ADGRL3: variants seen among roughly 807,000 people sequenced by gnomAD.
The protein encoded by ADGRL3 is calcium-independent alpha-latrotoxin receptor 3.
A neutral mutation model predicts 153.5 loss-of-function variants in ADGRL3; 62 were observed. That is an observed-to-expected ratio of 0.40 (90% confidence interval 0.33 to 0.50). The LOEUF (loss-of-function observed/expected upper bound fraction) is 0.50. Among genes scored for constraint, ADGRL3 ranks in the 20% least tolerant of loss-of-function variants. The pLI, the probability that ADGRL3 is intolerant of heterozygous loss-of-function variation, is 0.47. For synonymous variants in ADGRL3, 710 were observed against 672.5 expected, an observed-to-expected ratio of 1.06 and a Z score of -0.86; for missense variants, 1,641 against 1,859.4, an observed-to-expected ratio of 0.88 and a Z score of 2.16.
At chr4:61,626,024 A>T (rs1449688645) in intron 5 of ADGRL3, among the ~76,000 whole-genome samples, 1 of 152,046 alleles carries the variant, frequency 6.6e-6, no homozygotes, top group African/African-American at 2.4e-5. Flanking sequence ...ATACTTTCTT[A>T]ACACTCTACA....
intron 5 of ADGRL3, among the ~76,000 whole-genome samples, chr4:61,663,572 T>C (rs1204498204): frequency 1.3e-5 from 2 of 152,090 alleles, no homozygotes; most frequent in Admixed American, 6.6e-5. Context: ...TCTAGGCCAG[T>C]AGCACAAGCT....
chr4:61,801,521 A>C (rs1468168363), intron 8 of ADGRL3, among the ~76,000 whole-genome samples: 2 of 152,142 alleles, frequency 1.3e-5, no homozygotes, highest in Non-Finnish European at 2.9e-5. Context: ...ATAAAGTGAA[A>C]TAATCCACAT....
intron 2 of ADGRL3, among the ~76,000 whole-genome samples, chr4:61,419,805 T>C: frequency 6.6e-6 from 1 of 152,034 alleles, no homozygotes. Context: ...GATTTTTTTT[T>C]TTTTTTGAGA....
At chr4:61,879,669 C>A (rs2098497871) in intron 9 of ADGRL3, among the ~76,000 whole-genome samples, 1 of 152,048 alleles carries the variant, frequency 6.6e-6, no homozygotes, top group South Asian at 2.1e-4. Flanking sequence ...AGAAAACAAT[C>A]AAGAGAAAGC....
chr4:61,641,326 G>T (rs1234031923), intron 5 of ADGRL3, among the ~76,000 whole-genome samples: 1 of 150,490 alleles, frequency 6.6e-6, no homozygotes, highest in African/African-American at 2.4e-5. Context: ...TTAAGTTTTG[G>T]GGTAAATGTG....
chr4:61,335,372 A>G (rs1480713401), intron 1 of ADGRL3, among the ~76,000 whole-genome samples: 5 of 152,196 alleles, frequency 3.3e-5, no homozygotes, highest in African/African-American at 1.2e-4. Context: ...TGTAATGAGA[A>G]ATCACAGCAT....
At chr4:61,957,306 G>A (rs933699195) in intron 17 of ADGRL3, among the ~76,000 whole-genome samples, 1 of 152,036 alleles carries the variant, frequency 6.6e-6, no homozygotes, top group Non-Finnish European at 1.5e-5. Flanking sequence ...GATTTTGAAT[G>A]AGAGTCCATT....
At chr4:61,392,235 G>C (rs1434467341) in intron 2 of ADGRL3, among the ~76,000 whole-genome samples, 3 of 151,662 alleles carry the variant, frequency 2.0e-5, no homozygotes, top group Admixed American at 2.0e-4. Context: ...GTTTTGTCTT[G>C]TTTCCTATCG....
At position 61,283,478 on chromosome 4, in the gene ADGRL3, A is replaced by G. The variant is rs143597683; in HGVS notation, c.-240+81713A>G. On this transcript the variant is annotated intron_variant, in intron 1 of 26. Coordinates refer to ENST00000683033, the MANE Select transcript of ADGRL3 (RefSeq NM_001387552.1). Reference sequence around the variant, plus strand: ...TTCCTTTTTTCAATAGCTGCTTCATATGCTGATGACATTAGTGAGATTTGC... The same window carrying G: ...TTCCTTTTTTCAATAGCTGCTTCATGTGCTGATGACATTAGTGAGATTTGC... Among the ~76,000 whole-genome samples the G allele has an allele frequency of 7.0e-4, 106 of 152,056 alleles. 2 individuals carry two copies. In the East Asian group the frequency reaches 0.016, roughly 23 times the overall value.
At chr4:61,528,222 A>T (rs984485772) in intron 4 of ADGRL3, among the ~76,000 whole-genome samples, 1 of 152,096 alleles carries the variant, frequency 6.6e-6, no homozygotes, top group Non-Finnish European at 1.5e-5. Flanking sequence ...ACTTAGAAAA[A>T]TTCTATCACT....
chr4:62,037,359 A>G (rs1489349516), intron 23 of ADGRL3, among the ~76,000 whole-genome samples: 1 of 152,134 alleles, frequency 6.6e-6, no homozygotes, highest in African/African-American at 2.4e-5. Flanking sequence ...AACAACAGCT[A>G]CAATGCCCTT....
intron 4 of ADGRL3, among the ~76,000 whole-genome samples, chr4:61,532,378 A>T (rs2152959451): frequency 6.6e-6 from 1 of 152,230 alleles, no homozygotes; most frequent in Non-Finnish European, 1.5e-5. Flanking sequence ...GTGACCTTCA[A>T]GAGCTACTCA....
intron 9 of ADGRL3, among the ~76,000 whole-genome samples, chr4:61,872,788 A>G (rs1450517505): frequency 2.0e-5 from 3 of 152,192 alleles, no homozygotes; most frequent in African/African-American, 7.2e-5. Context: ...CAGGGTAACA[A>G]GCAATGTCCA....
At chr4:61,240,235 A>G (rs1261124490) in intron 1 of ADGRL3, among the ~76,000 whole-genome samples, 3 of 152,030 alleles carry the variant, frequency 2.0e-5, no homozygotes, top group South Asian at 2.1e-4. Flanking sequence ...GGGCCCAGCT[A>G]TTTCCCTAGA....
intron 13 of ADGRL3, among the ~76,000 whole-genome samples, chr4:61,926,406 A>G (rs2098794534): frequency 6.6e-6 from 1 of 152,112 alleles, no homozygotes; most frequent in Non-Finnish European, 1.5e-5. Flanking sequence ...GACTATCCCA[A>G]ATTCTATGCG....
intron 4 of ADGRL3, among the ~76,000 whole-genome samples, chr4:61,559,488 C>G (rs894931025): frequency 6.6e-6 from 1 of 152,050 alleles, no homozygotes; most frequent in Non-Finnish European, 1.5e-5. Flanking sequence ...CTGCACCCAT[C>G]GTGGCATTTT....
intron 21 of ADGRL3, among the ~76,000 whole-genome samples, chr4:62,017,747 G>C (rs2099219263): frequency 6.6e-6 from 1 of 152,084 alleles, no homozygotes; most frequent in South Asian, 2.1e-4. Context: ...AGGAGAAGTA[G>C]GCCTTCAACC....
chr4:61,872,740 C>T (rs1420375517), intron 9 of ADGRL3, among the ~76,000 whole-genome samples: 1 of 151,720 alleles, frequency 6.6e-6, no homozygotes, highest in African/African-American at 2.4e-5. Context: ...CCCAACTTTC[C>T]TTGACAATTA....
At chr4:61,516,365 TA>T (rs2098495142) in intron 3 of ADGRL3, among the ~76,000 whole-genome samples, 1 of 62,472 alleles carries the variant, frequency 1.6e-5, no homozygotes, top group African/African-American at 7.9e-5. Context: ...TATAACCTGT[TA>T]AAAAATACTT....
Sources: gnomAD v4.1 joint callset for allele counts (sites outside exome capture counted in the v4.1 genomes callset) on GRCh38, gnomAD v4.1.1 for gene constraint, MANE v1.5 for transcripts, NCBI Gene and HGNC (gene_info 2026-07-23, HGNC 2026-07-21) for gene names.